The following NCKAP5 variants were observed in gnomAD, a reference collection of about 807,000 sequenced individuals.
The protein encoded by NCKAP5 is nck-associated protein 5.
In NCKAP5, 92 loss-of-function variants were observed where a neutral mutation model predicts 167.0. The observed-to-expected ratio is 0.55, with a 90% confidence interval of 0.47 to 0.66. The LOEUF is 0.66. Among genes scored for constraint, NCKAP5 ranks in the 30% least tolerant of loss-of-function variants. The pLI is 0.00. For synonymous variants in NCKAP5, 891 were observed against 877.4 expected (o/e 1.02, Z -0.27); for missense variants, 2,378 against 2,315.0 (o/e 1.03, Z -0.56).
At chr2:132,844,807 T>C (rs1688548173) in intron 11 of NCKAP5, among the ~76,000 whole-genome samples, 1 of 152,150 alleles carries the variant, frequency 6.6e-6, no homozygotes, top group African/African-American at 2.4e-5. Context: ...GTGGAATTGC[T>C]AAGTCAAAGA....
intron 3 of NCKAP5, among the ~76,000 whole-genome samples, chr2:133,388,982 C>T (rs974230505): frequency 2.4e-4 from 37 of 152,258 alleles, no homozygotes; most frequent in Admixed American, 2.6e-4. Context: ...CTTTGCGCTT[C>T]CCAGGTGAGG....
chr2:133,025,542 C>T (rs2078667992), intron 6 of NCKAP5, among the ~76,000 whole-genome samples: 2 of 152,136 alleles, frequency 1.3e-5, no homozygotes, highest in South Asian at 2.1e-4. Flanking sequence ...CTGTTGGGTG[C>T]TGTGGGTAGA....
At chr2:133,597,673 C>CAAAAAAAAAAAAAAAAAAA in the NCKAP5 span, among the ~76,000 whole-genome samples, 8 of 61,106 alleles carry the variant, frequency 1.3e-4, no homozygotes, top group Admixed American at 2.1e-4. Flanking sequence ...GACTCTGTCT[C>CAAAAAAAAAAAAAAAAAAA]AAAAAAAAAA....
chr2:132,788,113 T>C (rs1683740476), intron 13 of NCKAP5, among the ~76,000 whole-genome samples: 1 of 152,096 alleles, frequency 6.6e-6, no homozygotes, highest in South Asian at 2.1e-4. Context: ...AGGCCAATCT[T>C]GAAGCTTGGG....
At chr2:133,616,916 A>T in the NCKAP5 span, among the ~76,000 whole-genome samples, 1 of 152,230 alleles carries the variant, frequency 6.6e-6, no homozygotes, top group Non-Finnish European at 1.5e-5. Flanking sequence ...AAATACTGGC[A>T]AACCGAATTC....
rs529466560 is a variant in NCKAP5, at chr2:133,350,597, C to T, written c.70-47487G>A. 5.9e-5 allele frequency among the ~76,000 whole-genome samples: 9 copies of T among 152,232 alleles called. No homozygotes were observed. The South Asian group carries it at 1.0e-3, about 18-fold the overall frequency. On this transcript the variant is annotated intron_variant, in intron 3 of 19. Coordinates refer to ENST00000409261, the MANE Select transcript of NCKAP5 (RefSeq NM_207363.3). The stretch of plus-strand genomic sequence containing the variant: ...GGCCAAGACAGTTCTGTTTCCCACC[C>T]GCTGTCCCAATGAATTATCCCATTT...
chr2:133,225,472 T>C (rs2086841611), intron 4 of NCKAP5, among the ~76,000 whole-genome samples: 1 of 152,304 alleles, frequency 6.6e-6, no homozygotes. Context: ...GTTTGTGAGT[T>C]CCAAAGGGAA....
intron 6 of NCKAP5, among the ~76,000 whole-genome samples, chr2:133,119,886 C>T (rs1411034806): frequency 2.6e-5 from 4 of 151,630 alleles, no homozygotes; most frequent in African/African-American, 9.7e-5. Context: ...ATATAATAGG[C>T]TCTCCCTATC....
intron 11 of NCKAP5, among the ~76,000 whole-genome samples, chr2:132,815,459 TG>T (rs1299981341): frequency 6.6e-6 from 1 of 152,212 alleles, no homozygotes; most frequent in African/African-American, 2.4e-5. Flanking sequence ...TCTTAGACTG[TG>T]GGTTGGAGAC....
intron 16 of NCKAP5, among the ~76,000 whole-genome samples, chr2:132,734,054 T>G (rs2105508075): frequency 6.6e-6 from 1 of 152,320 alleles, no homozygotes; most frequent in African/African-American, 2.4e-5. Context: ...AGAGAAGTGC[T>G]TTTCTTTCCC....
At position 132,783,150 on chromosome 2, in the gene NCKAP5, C is replaced by A; in HGVS notation, c.3661G>T (p.Asp1221Tyr). The A allele has an allele frequency of 6.2e-7, 1 of 1,613,490 alleles. No individual in the cohort carries two copies. Among genetic ancestry groups the A allele is most frequent in the South Asian group, 1.1e-5 (1 of 90,986 alleles). Reference protein sequence around the residue: ...PDSQAQGSLADGLPLETALQE... With the variant: ...PDSQAQGSLAYGLPLETALQE... The stretch of plus-strand genomic sequence containing the variant: ...AGTGCTGTTTCCAGGGGAAGCCCAT[C>A]AGCTAAACTGCCCTGTGCTTGTGAA... Residue 1221 changes from aspartate (D) to tyrosine (Y), a missense_variant, in exon 14 of 20, where the codon GAT becomes TAT. Transcript: ENST00000409261.
At chr2:133,616,629 A>G in the NCKAP5 span, among the ~76,000 whole-genome samples, 1 of 152,048 alleles carries the variant, frequency 6.6e-6, no homozygotes, top group Non-Finnish European at 1.5e-5. Context: ...GAATAGACCA[A>G]TAACAGGAGC....
intron 3 of NCKAP5, among the ~76,000 whole-genome samples, chr2:133,463,267 T>G (rs2151241812): frequency 6.6e-6 from 1 of 152,350 alleles, no homozygotes; most frequent in Admixed American, 6.5e-5. Flanking sequence ...AATCATATAG[T>G]TTCCTTTCTG....
At chr2:132,742,793 GA>G (rs1679317938) in intron 16 of NCKAP5, among the ~76,000 whole-genome samples, 1 of 151,794 alleles carries the variant, frequency 6.6e-6, no homozygotes, top group African/African-American at 2.4e-5. Flanking sequence ...ATTATTATAA[GA>G]TAATCTATTT....
chr2:132,686,245 C>T (rs1182776670), intron 19 of NCKAP5, among the ~76,000 whole-genome samples: 1 of 152,170 alleles, frequency 6.6e-6, no homozygotes, highest in Non-Finnish European at 1.5e-5. Flanking sequence ...TGGCAGCAAG[C>T]TAAATTTTGA....
At chr2:133,297,169 G>GTC (rs1168924146) in intron 4 of NCKAP5, among the ~76,000 whole-genome samples, 2 of 74,036 alleles carry the variant, frequency 2.7e-5, no homozygotes, top group Non-Finnish European at 5.4e-5. Flanking sequence ...TTGTCACAGT[G>GTC]TGTGTGTGTG....
At chr2:133,332,173 G>C (rs1682899934) in intron 3 of NCKAP5, among the ~76,000 whole-genome samples, 1 of 152,188 alleles carries the variant, frequency 6.6e-6, no homozygotes, top group Admixed American at 6.5e-5. Flanking sequence ...TCAGAGTCAA[G>C]TGCCTTGACA....
In NCKAP5 at chr2:132,787,438, T is replaced by C. The variant is rs867704704; in HGVS notation, c.1093-1720A>G. On this transcript the variant is annotated intron_variant, in intron 13 of 19. Coordinates refer to ENST00000409261, the MANE Select transcript of NCKAP5 (RefSeq NM_207363.3). ...TCAGAAATGCACTCTATACCAGTTT[T>C]GGCTACATCAGTCTCCTCCCTGCCC... Among the ~76,000 whole-genome samples the C allele has an allele frequency of 2.6e-5, 4 of 152,116 alleles. 1 individual carries two copies. The Middle Eastern group carries it at 0.014, about 525-fold the overall frequency.
At chr2:133,616,632 A>G in the NCKAP5 span, among the ~76,000 whole-genome samples, 1 of 151,208 alleles carries the variant, frequency 6.6e-6, no homozygotes, top group Admixed American at 6.6e-5. Context: ...TAGACCAATA[A>G]CAGGAGCTGA....
Sources: allele counts gnomAD v4.1 joint callset (sites outside exome capture counted in the v4.1 genomes callset), GRCh38; gene constraint gnomAD v4.1.1; transcripts MANE v1.5; gene names NCBI Gene and HGNC (gene_info 2026-07-23, HGNC 2026-07-21).